The following ROBO2 variants were observed in gnomAD, a reference collection of about 807,000 sequenced individuals.
The protein encoded by ROBO2 is roundabout homolog 2.
In ROBO2, 53 loss-of-function variants were observed where a neutral mutation model predicts 160.8. That is an observed-to-expected ratio of 0.33 (90% CI 0.26 to 0.41). ROBO2 has a LOEUF of 0.41. Ranked by LOEUF, ROBO2 falls within the 10% of genes least tolerant of loss-of-function variation. ROBO2 has a pLI of 1.00. For synonymous variants in ROBO2, 664 were observed against 611.7 expected (o/e 1.09, Z -1.26); for missense variants, 1,577 against 1,722.4 (o/e 0.92, Z 1.49).
intron 2 of ROBO2, among the ~76,000 whole-genome samples, chr3:76,454,186 T>A (rs2077626649): frequency 6.6e-6 from 1 of 152,174 alleles, no homozygotes; most frequent in Admixed American, 6.6e-5. Context: ...AAGTTTCAAT[T>A]TTATTACTGC....
At chr3:77,077,826 A>C (rs1553759590) in intron 1 of ROBO2, among the ~76,000 whole-genome samples, 1 of 152,150 alleles carries the variant, frequency 6.6e-6, no homozygotes, top group Non-Finnish European at 1.5e-5. Flanking sequence ...CTGCATAGAG[A>C]ATCATTCCTG....
At chr3:77,574,758 C>A in intron 14 of ROBO2, 28 bp downstream of exon 15, 2 of 1,573,072 alleles carry the variant, frequency 1.3e-6, no homozygotes, top group South Asian at 2.2e-5. Context: ...GAATATAAAT[C>A]AAACATGATG....
intron 2 of ROBO2, among the ~76,000 whole-genome samples, chr3:76,545,566 T>G (rs761425643): frequency 6.6e-6 from 1 of 151,974 alleles, no homozygotes; most frequent in Non-Finnish European, 1.5e-5. Flanking sequence ...TCTAACATTG[T>G]TAATTTTTTA....
At chr3:76,328,663 A>C (rs1311326291) in intron 2 of ROBO2, among the ~76,000 whole-genome samples, 1 of 151,892 alleles carries the variant, frequency 6.6e-6, no homozygotes, top group Non-Finnish European at 1.5e-5. Flanking sequence ...GATCGAGACC[A>C]TCCTGGCTAA....
rs550409481 is a variant in ROBO2 at position 76,112,117 on chromosome 3, C to T, written c.109+174515C>T. On this transcript the variant is annotated intron_variant, in intron 2 of 26. Coordinates refer to the ROBO2 transcript ENST00000487694. ...CTGAATTATTTCTAGCTTTCTTTGC[C>T]TTTGCTTCCCTTATTCATCACAGCC... Among the ~76,000 whole-genome samples the T allele has an allele frequency of 6.6e-5, 10 of 152,238 alleles. No homozygotes were observed. The East Asian group carries it at 1.9e-3, about 29-fold the overall frequency.
intron 2 of ROBO2, among the ~76,000 whole-genome samples, chr3:76,218,118 C>T (rs568660651): frequency 6.6e-6 from 1 of 152,174 alleles, no homozygotes; most frequent in Non-Finnish European, 1.5e-5. Context: ...AACAGCCCTT[C>T]ATGCTAAAAA....
At chr3:76,229,509 G>T (rs1295655026) in intron 2 of ROBO2, among the ~76,000 whole-genome samples, 2 of 151,920 alleles carry the variant, frequency 1.3e-5, no homozygotes, top group Admixed American at 1.3e-4. Flanking sequence ...AGTTTCTTCA[G>T]CCTACTCAAT....
Position 77,040,964 on chromosome 3 carries a change from T to C in ROBO2, c.61+118T>C, listed in dbSNP as rs114109962. 3,807 of 1,385,440 alleles carry C rather than the reference T, an allele frequency of 2.7e-3. 77 individuals carry two copies. In the African/African-American group the frequency reaches 0.047, roughly 17 times the overall value. 85.8% of individuals were successfully genotyped at this position (1,385,440 alleles called of 1,614,324 possible). A position where few individuals can be genotyped will look rare whatever the true frequency, so the allele number is the denominator to read the frequency against. ...AAATGACATTATGTCTGTTAGTCCG[T>C]TTTGGCCCGGCACGGGCTCCTTGGG... On this transcript the variant is annotated intron_variant, in intron 1 of 25. Transcript: ENST00000461745.
chr3:76,806,853 T>C (rs1318946698), intron 2 of ROBO2, among the ~76,000 whole-genome samples: 1 of 152,098 alleles, frequency 6.6e-6, no homozygotes, highest in Non-Finnish European at 1.5e-5. Context: ...GATGAGAATA[T>C]GTATCACTTC....
intron 2 of ROBO2, among the ~76,000 whole-genome samples, chr3:76,347,445 T>C (rs1359896874): frequency 6.6e-6 from 1 of 152,252 alleles, no homozygotes; most frequent in South Asian, 2.1e-4. Context: ...CACTTTCTAA[T>C]AACAGAAGGT....
At chr3:76,493,365 A>ATATATATATAT (rs61651925) in intron 2 of ROBO2, among the ~76,000 whole-genome samples, 1 of 132,014 alleles carries the variant, frequency 7.6e-6, no homozygotes, top group Non-Finnish European at 1.6e-5. Context: ...ATATATATAT[A>ATATATATATAT]ATTGTATATA....
chr3:75,930,281 A>G (rs1312602198), intron 1 of ROBO2, among the ~76,000 whole-genome samples: 4 of 151,936 alleles, frequency 2.6e-5, no homozygotes, highest in Non-Finnish European at 5.9e-5. Context: ...CCTCATTCCT[A>G]CAATCCTTCA....
chr3:76,348,193 A>C (rs2108258018), intron 2 of ROBO2, among the ~76,000 whole-genome samples: 2 of 152,166 alleles, frequency 1.3e-5, no homozygotes, highest in East Asian at 3.9e-4. Context: ...GTCCGCCATC[A>C]TTCCACAGTC....
chr3:76,998,666 T>G (rs2061166927), intron 2 of ROBO2, among the ~76,000 whole-genome samples: 1 of 152,138 alleles, frequency 6.6e-6, no homozygotes, highest in South Asian at 2.1e-4. Context: ...GGTAATTGAG[T>G]ACAAAAACCC....
At chr3:76,545,005 G>C (rs2083017435) in intron 2 of ROBO2, among the ~76,000 whole-genome samples, 1 of 152,052 alleles carries the variant, frequency 6.6e-6, no homozygotes, top group South Asian at 2.1e-4. Context: ...AGTAGATATT[G>C]ATGTCCAGGG....
At chr3:76,370,996 C>A (rs2076072098) in intron 2 of ROBO2, among the ~76,000 whole-genome samples, 1 of 151,812 alleles carries the variant, frequency 6.6e-6, no homozygotes, top group Non-Finnish European at 1.5e-5. Context: ...TGCACTCACC[C>A]TAGAAAAGGA....
intron 2 of ROBO2, among the ~76,000 whole-genome samples, chr3:76,740,248 G>T (rs981128397): frequency 2.6e-5 from 4 of 152,114 alleles, no homozygotes; most frequent in Admixed American, 6.5e-5. Flanking sequence ...ACCTCGAATG[G>T]TAACTCAGTG....
chr3:77,284,913 T>C (rs1560426458), intron 2 of ROBO2, among the ~76,000 whole-genome samples: 2 of 152,138 alleles, frequency 1.3e-5, no homozygotes, highest in African/African-American at 4.8e-5. Context: ...CTTTGAACTT[T>C]GGGGTAATGA....
intron 1 of ROBO2, among the ~76,000 whole-genome samples, chr3:77,060,843 C>T (rs1346987041): frequency 3.9e-5 from 6 of 152,154 alleles, no homozygotes; most frequent in Non-Finnish European, 8.8e-5. Flanking sequence ...TTTATGTTTA[C>T]TACATATTTT....
Sources: allele counts gnomAD v4.1 joint callset (sites outside exome capture counted in the v4.1 genomes callset), GRCh38; gene constraint gnomAD v4.1.1; transcripts MANE v1.5; gene names NCBI Gene and HGNC (gene_info 2026-07-23, HGNC 2026-07-21).